The following RPIA variants were observed in gnomAD, a reference collection of about 807,000 sequenced individuals.
The protein encoded by RPIA is ribose 5-phosphate isomerase A, also known as ribose-5-phosphate isomerase.
RPIA carries 29 observed loss-of-function variants against 37.8 expected under a neutral mutation model. The observed-to-expected ratio is 0.77, with a 90% CI of 0.57 to 1.05. RPIA has a LOEUF of 1.05. Ranked by LOEUF, RPIA falls within the 50% of genes least tolerant of loss-of-function variation. RPIA has a pLI of 0.00. For missense variants in RPIA, 385 were observed against 413.6 expected, an observed-to-expected ratio of 0.93 and a Z score of 0.60; for synonymous variants, 167 against 157.0, an observed-to-expected ratio of 1.06 and a Z score of -0.48.
rs756595835 is a variant in RPIA at position 88,691,771 on chromosome 2, G to A, written c.73G>A (p.Ala25Thr). The change falls in exon 1 of 9, where the codon GCG becomes ACG. Residue 25 changes from alanine (A) to threonine (T), a missense_variant. Ala to Thr is a moderately conservative substitution (Grantham distance 58). Coordinates refer to ENST00000283646, the MANE Select transcript of RPIA (RefSeq NM_144563.3). ...LAPLPGRAGG[A>T]ASGGGGNSWD... ...CCCGCTGCCCGGGAGGGCCGGGGGC[G>A]CGGCCTCCGGCGGAGGAGGGAACAG... The A allele has an allele frequency of 5.0e-5, 80 of 1,590,368 alleles. No homozygotes were observed. The highest frequency in any genetic ancestry group is 6.2e-5 in the Non-Finnish European group (73 of 1,172,674).
rs763137724 is a variant in RPIA, at chr2:88,729,338, G to C, written c.462+1G>C. The stretch of plus-strand genomic sequence containing the variant: ...CAGTGATCTGGATCGACACCCAGAG[G>C]TAAGATTGCCACTCAGAGGCAGACC... On this transcript the variant is annotated splice_donor_variant, in intron 4 of 8. Coordinates refer to ENST00000283646, the MANE Select transcript of RPIA (RefSeq NM_144563.3). LOFTEE classifies it high-confidence loss of function. 1.2e-6 allele frequency: 2 copies of C among 1,614,098 alleles called. No individual in the cohort carries two copies. Among genetic ancestry groups the C allele is most frequent in the Non-Finnish European group, 1.7e-6 (2 of 1,179,940 alleles).
intron 8 of RPIA, among the ~76,000 whole-genome samples, chr2:88,748,448 A>G (rs950383959): frequency 2.0e-5 from 3 of 152,154 alleles, no homozygotes; most frequent in African/African-American, 7.2e-5. Flanking sequence ...TTTTTGTTAG[A>G]TGGTTTCAGA....
Position 88,750,926 on chromosome 2 carries a change from G to A in RPIA, c.*848G>A. 2.6e-6 allele frequency: 1 copy of A among 391,608 alleles called. No individual in the cohort carries two copies. Among genetic ancestry groups the A allele is most frequent in the Non-Finnish European group, 4.5e-6 (1 of 222,342 alleles). The allele number at this position is 391,608 out of a possible 1,614,324, so 24.3% of individuals were successfully genotyped here. A position where few individuals can be genotyped will look rare whatever the true frequency, so the allele number is the denominator to read the frequency against. ...GCAGGTTTAAATAAAACAGTGTGGT[G>A]CCATTTTGACTCTTTTGTCTTTATT... is the stretch of plus-strand genomic sequence containing the variant. On this transcript the variant is annotated 3_prime_UTR_variant, in exon 9 of 9. Coordinates refer to ENST00000283646, the MANE Select transcript of RPIA (RefSeq NM_144563.3).
intron 3 of RPIA, among the ~76,000 whole-genome samples, chr2:88,703,643 C>A (rs940208915): frequency 6.6e-6 from 1 of 152,184 alleles, no homozygotes; most frequent in African/African-American, 2.4e-5. Context: ...ACTTTTTTCT[C>A]CTAGGCCTCC....
chr2:88,737,234 AGT>A (rs1343542502), intron 7 of RPIA, among the ~76,000 whole-genome samples: 3 of 152,232 alleles, frequency 2.0e-5, no homozygotes, highest in Non-Finnish European at 4.4e-5. Flanking sequence ...TTTATACTTA[AGT>A]AAACAAATAA....
At chr2:88,708,860 C>T (rs545845346) in intron 3 of RPIA, among the ~76,000 whole-genome samples, 1 of 151,850 alleles carries the variant, frequency 6.6e-6, no homozygotes, top group African/African-American at 2.4e-5. Flanking sequence ...GGGTTCATGC[C>T]GTACTCCTGC....
chr2:88,728,129 C>T (rs335115), intron 3 of RPIA, among the ~76,000 whole-genome samples: 109,912 of 152,098 alleles, frequency 0.72, 40,323 homozygotes, highest in African/African-American at 0.83. Context: ...CTTTTAAACA[C>T]CACAACAATA....
chr2:88,718,101 A>C (rs1222238892), intron 3 of RPIA, among the ~76,000 whole-genome samples: 2 of 152,192 alleles, frequency 1.3e-5, no homozygotes, highest in African/African-American at 4.8e-5. Flanking sequence ...AAGGAAAAAA[A>C]CCCCTGAAAA....
At position 88,738,042 on chromosome 2, in the gene RPIA, G is replaced by A; in HGVS notation, c.804G>A (p.Trp268Ter). 1 of 1,613,938 alleles carries A rather than the reference G, an allele frequency of 6.2e-7. No homozygotes were observed. Among genetic ancestry groups the A allele is most frequent in the Non-Finnish European group, 8.5e-7 (1 of 1,179,866 alleles). ...LDWKFDRVHK[W>*]SEVNTAIKMI... is the part of the protein sequence containing the mutation. ...GGAAGTTTGACCGGGTACACAAATG[G>A]AGTGAAGTGAATACAGCTATCAAAA... Residue 268 changes from tryptophan (W) to a stop codon, truncating the protein, a stop_gained, in exon 8 of 9, where the codon TGG becomes TGA. Transcript: ENST00000283646. LOFTEE classifies it high-confidence loss of function.
rs559387743 is a variant in RPIA at position 88,726,770 on chromosome 2, C to T, written c.403-2508C>T. Reference sequence around the variant, plus strand: ...TTTTTGTTTGTTTTTGAGAAAGAGTCTTGCTCTCTTGCCCAGACTGGAGTG... The same window carrying T: ...TTTTTGTTTGTTTTTGAGAAAGAGTTTTGCTCTCTTGCCCAGACTGGAGTG... On this transcript the variant is annotated intron_variant, in intron 3 of 8. Transcript: ENST00000283646. Among the ~76,000 whole-genome samples, 3 of 152,228 alleles carry T rather than the reference C, an allele frequency of 2.0e-5. No individual in the cohort carries two copies. In the South Asian group the frequency reaches 6.2e-4, roughly 32 times the overall value.
chr2:88,718,187 A>C (rs557700260), intron 3 of RPIA, among the ~76,000 whole-genome samples: 2 of 152,336 alleles, frequency 1.3e-5, no homozygotes, highest in South Asian at 2.1e-4. Context: ...ATTGAAAAAC[A>C]TAGGCAAGAC....
intron 8 of RPIA, among the ~76,000 whole-genome samples, chr2:88,747,205 G>A (rs1019843644): frequency 5.3e-5 from 8 of 152,060 alleles, no homozygotes; most frequent in Admixed American, 2.0e-4. Flanking sequence ...CCTCTTCTGC[G>A]TCATACAGGC....
At chr2:88,740,828 T>C (rs1470377200) in intron 8 of RPIA, among the ~76,000 whole-genome samples, 1 of 152,214 alleles carries the variant, frequency 6.6e-6, no homozygotes, top group African/African-American at 2.4e-5. Flanking sequence ...CTGATTTAAC[T>C]GTTTTTTGGA....
intron 3 of RPIA, among the ~76,000 whole-genome samples, chr2:88,702,508 AAGAG>A (rs1672844621): frequency 1.5e-5 from 2 of 135,164 alleles, no homozygotes; most frequent in South Asian, 4.2e-4. Flanking sequence ...GCAGCAGACA[AAGAG>A]AGAATGAGGA....
chr2:88,749,869 T>C lies in RPIA; in HGVS notation c.839-112T>C, dbSNP rs372593271. 420 of 720,340 alleles carry C rather than the reference T, an allele frequency of 5.8e-4. 4 individuals carry two copies. In the South Asian group the frequency reaches 6.0e-3, roughly 10 times the overall value. The allele number at this position is 720,340 out of a possible 1,614,324, so 44.6% of individuals were successfully genotyped here. On this transcript the variant is annotated intron_variant, in intron 8 of 8. Transcript: ENST00000283646. ...GTGGGAGAAAAAGGCTTTAGATTTG[T>C]CATTCGTCCAATGCTGTGTATGACA...
At chr2:88,692,959 G>T (rs1396981929) in intron 1 of RPIA, among the ~76,000 whole-genome samples, 3 of 152,192 alleles carry the variant, frequency 2.0e-5, no homozygotes, top group African/African-American at 4.8e-5. Context: ...GGATGTTCCA[G>T]TGTGACCTTC....
chr2:88,748,920 C>T (rs1372871403), intron 8 of RPIA, among the ~76,000 whole-genome samples: 1 of 152,028 alleles, frequency 6.6e-6, no homozygotes, highest in East Asian at 1.9e-4. Context: ...TGTTATGTTT[C>T]CCAGGCTGGT....
At chr2:88,714,561 A>G (rs749202603) in intron 3 of RPIA, among the ~76,000 whole-genome samples, 17 of 152,016 alleles carry the variant, frequency 1.1e-4, no homozygotes, top group Non-Finnish European at 2.1e-4. Context: ...ACCTTGGGGA[A>G]CTCCTGATGT....
At chr2:88,705,798 AATCT>A (rs1209078591) in intron 3 of RPIA, among the ~76,000 whole-genome samples, 10 of 152,336 alleles carry the variant, frequency 6.6e-5, no homozygotes, top group Middle Eastern at 3.4e-3. Context: ...AAATTTTTGC[AATCT>A]ATCCATCTGA....
Sources: allele counts gnomAD v4.1 joint callset (sites outside exome capture counted in the v4.1 genomes callset), GRCh38; gene constraint gnomAD v4.1.1; transcripts MANE v1.5; gene names NCBI Gene and HGNC (gene_info 2026-07-23, HGNC 2026-07-21).